The following RFC4 variants were observed in gnomAD, a reference collection of about 807,000 sequenced individuals.
RFC4 encodes the protein replication factor C subunit 4, also known as A1 37 kDa subunit.
A neutral mutation model predicts 47.6 loss-of-function variants in RFC4; 38 were observed. The observed-to-expected ratio is 0.80, with a 90% confidence interval of 0.62 to 1.05. RFC4 has a LOEUF of 1.05. RFC4 is among the 50% of genes least tolerant of loss of function. The pLI, the probability that RFC4 is intolerant of heterozygous loss-of-function variation, is 0.00. For synonymous variants in RFC4, 164 were observed against 150.0 expected (o/e 1.09, Z -0.68); for missense variants, 489 against 434.0 (o/e 1.13, Z -1.13).
Position 186,800,694 on chromosome 3 carries a change from A to G in RFC4, c.210+423T>C, listed in dbSNP as rs371116763. 3.9e-5 allele frequency among the ~76,000 whole-genome samples: 6 copies of G among 152,320 alleles called. No individual in the cohort carries two copies. The East Asian group carries it at 9.6e-4, about 24-fold the overall frequency. On this transcript the variant is annotated intron_variant, in intron 3 of 10. Transcript: ENST00000296273. ...TGTATTATAGGTCAATCCAAATCCT[A>G]AAGTTAGTAAGCAATTATACTTTAG...
At chr3:186,801,320 C>A in intron 2 of RFC4, 125 bp from the exon 3 acceptor site, 2 of 717,614 alleles carry the variant, frequency 2.8e-6, no homozygotes, top group Non-Finnish European at 4.9e-6. Flanking sequence ...AAATGAGAAA[C>A]TTTTTCATAA....
intron 7 of RFC4, 151 bp from the exon 8 acceptor site, chr3:186,792,001 C>A: frequency 1.6e-6 from 1 of 639,246 alleles, no homozygotes; most frequent in Non-Finnish European, 2.6e-6. Flanking sequence ...TATGATCAGT[C>A]TAGGGGCCGG....
intron 2 of RFC4, among the ~76,000 whole-genome samples, chr3:186,802,023 CAAAAAAA>C (rs34264551): frequency 1.1e-5 from 1 of 92,158 alleles, no homozygotes. Flanking sequence ...AACTTTATCT[CAAAAAAA>C]AAAAAAAAAA....
chr3:186,801,710 C>CAAAAA (rs34281312), intron 2 of RFC4, among the ~76,000 whole-genome samples: 102 of 72,892 alleles, frequency 1.4e-3, no homozygotes, highest in African/African-American at 5.0e-3. Flanking sequence ...GACTCTGTCT[C>CAAAAA]AAAAAAAAAA....
In RFC4 at chr3:186,789,960, A is replaced by ATATTCACGTTAAC; in HGVS notation, c.1088_*8dup. ...TATTTACAAAACCCCCCATCCAGATATATTCACGTTAACAATTCTGAGATA... is the reference window on the plus strand; with the variant it reads ...TATTTACAAAACCCCCCATCCAGATATATTCACGTTAACTATTCACGTTAACAATTCTGAGATA... On this transcript the variant is annotated 3_prime_UTR_variant, in exon 11 of 11. Coordinates refer to ENST00000296273, the MANE Select transcript of RFC4 (RefSeq NM_002916.5). 2 of 1,543,110 alleles carry ATATTCACGTTAAC rather than the reference A, an allele frequency of 1.3e-6. No homozygotes were observed. The highest frequency in any genetic ancestry group is 1.8e-6 in the Non-Finnish European group (2 of 1,116,788).
At chr3:186,790,554 CA>C (rs1445311149) in intron 8 of RFC4, 148 bp from the exon 9 acceptor site, 1 of 659,402 alleles carries the variant, frequency 1.5e-6, no homozygotes, top group Non-Finnish European at 2.7e-6. Flanking sequence ...CGGAAAGGGC[CA>C]GAGTAACTCC....
Position 186,789,920 on chromosome 3 carries a change from TTA to T in RFC4, c.*47_*48del. 8.4e-7 allele frequency: 1 copy of T among 1,191,630 alleles called. No homozygotes were observed. Among genetic ancestry groups the T allele is most frequent in the Non-Finnish European group, 1.2e-6 (1 of 817,134 alleles). 73.8% of individuals were successfully genotyped at this position (1,191,630 alleles called of 1,614,324 possible). On this transcript the variant is annotated 3_prime_UTR_variant, in exon 11 of 11. Transcript: ENST00000296273. ...AAAGGTGCTTTTGGTCATTTTATTT[TTA>T]TTACAACTTCATTATTTACAAAACC...
At chr3:186,804,884 C>T in intron 1 of RFC4, 160 bp from the exon 2 acceptor site, 1 of 638,760 alleles carries the variant, frequency 1.6e-6, no homozygotes, top group Non-Finnish European at 2.7e-6. Flanking sequence ...TAAAGGACAT[C>T]ACCCCATGAC....
intron 2 of RFC4, chr3:186,801,605 G>A (rs1278806307): frequency 6.2e-6 from 1 of 162,014 alleles, no homozygotes; most frequent in Non-Finnish European, 1.3e-5. Context: ...CAGCTACTTG[G>A]GAGGCTGAGG....
intron 4 of RFC4, 128 bp from the exon 5 acceptor site, chr3:186,794,905 A>T: frequency 1.9e-6 from 2 of 1,026,268 alleles, no homozygotes; most frequent in Non-Finnish European, 2.8e-6. Context: ...GCACACAATC[A>T]CTTTTGCATT....
At chr3:186,804,498 A>T in intron 2 of RFC4, 85 bp downstream of exon 2, 5 of 1,355,676 alleles carry the variant, frequency 3.7e-6, no homozygotes. Context: ...GCATTCCTCC[A>T]TAAGTTAAAA....
chr3:186,803,841 T>C (rs1170236933), intron 2 of RFC4, among the ~76,000 whole-genome samples: 1 of 152,028 alleles, frequency 6.6e-6, no homozygotes, highest in Non-Finnish European at 1.5e-5. Flanking sequence ...ACAATTTAAA[T>C]GCTAATTCAA....
intron 1 of RFC4, 72 bp from the exon 2 acceptor site, chr3:186,804,796 C>T (rs1015051633): frequency 3.8e-5 from 55 of 1,457,822 alleles, no homozygotes; most frequent in African/African-American, 5.7e-5. Context: ...CATAGGAAAG[C>T]GGGGGTGGTG....
In RFC4 at chr3:186,804,698, T is replaced by C; in HGVS notation, c.16A>G (p.Lys6Glu). The change falls in exon 2 of 11, where the codon AAA becomes GAA. Residue 6 changes from lysine (K) to glutamate (E), a missense_variant. This residue lies in a region of RFC4 where 206 missense variants were observed against 257.8 expected (regional missense o/e 0.80). Transcript: ENST00000296273. The stretch of plus-strand genomic sequence containing the variant: ...GGTTTAGTACTGATGGATGTACCTT[T>C]AAGAAATGCTTGCATGGTACTTCAC... MQAFLKGTSISTKPPL... is the reference protein window; with the variant it reads MQAFLEGTSISTKPPL... 1 of 1,613,076 alleles carries C rather than the reference T, an allele frequency of 6.2e-7. No homozygotes were observed. Among genetic ancestry groups the C allele is most frequent in the Non-Finnish European group, 8.5e-7 (1 of 1,179,554 alleles).
intron 4 of RFC4, among the ~76,000 whole-genome samples, chr3:186,795,938 A>G (rs2108470067): frequency 6.6e-6 from 1 of 152,286 alleles, no homozygotes. Context: ...AAAGTAATAT[A>G]TGCTTACTGT....
chr3:186,801,030 G>T, intron 3 of RFC4, 87 bp downstream of exon 3: 1 of 963,814 alleles, frequency 1.0e-6, no homozygotes, highest in Non-Finnish European at 1.7e-6. Flanking sequence ...GATATTTAAC[G>T]AGGGCTAGAA....
At chr3:186,804,504 TAAAA>T in intron 2 of RFC4, 75 bp downstream of exon 2, 18 of 1,192,220 alleles carry the variant, frequency 1.5e-5, no homozygotes, top group South Asian at 3.4e-5. Context: ...CTCCATAAGT[TAAAA>T]AAAAAAAAAA....
chr3:186,800,738 T>C (rs1722334611), intron 3 of RFC4, among the ~76,000 whole-genome samples: 1 of 152,242 alleles, frequency 6.6e-6, no homozygotes, highest in Non-Finnish European at 1.5e-5. Flanking sequence ...CTGGCTCTTC[T>C]TTATAGCACA....
At chr3:186,797,463 G>GA in intron 4 of RFC4, 72 bp downstream of exon 4, 3 of 1,011,246 alleles carry the variant, frequency 3.0e-6, no homozygotes, top group Non-Finnish European at 3.0e-6. Flanking sequence ...ATTTTTAGAG[G>GA]AAAAAAAGCA....
Sources: allele counts gnomAD v4.1 joint callset (sites outside exome capture counted in the v4.1 genomes callset), GRCh38; gene constraint gnomAD v4.1.1; regional missense constraint gnomAD v4.1.1; transcripts MANE v1.5; gene names NCBI Gene and HGNC (gene_info 2026-07-23, HGNC 2026-07-21).